Variants in WWC1 observed in about 807,000 individuals in gnomAD.
WWC1 encodes the protein protein KIBRA.
WWC1 carries 55 observed loss-of-function variants against 138.4 expected under a neutral mutation model. The observed-to-expected ratio is 0.40, with a 90% CI of 0.32 to 0.50. The LOEUF (loss-of-function observed/expected upper bound fraction) is 0.50. Among genes scored for constraint, WWC1 ranks in the 20% least tolerant of loss-of-function variants. The pLI is 0.72. For missense variants in WWC1, 1,226 were observed against 1,420.4 expected (o/e 0.86, Z 2.20); for synonymous variants, 524 against 564.9 (o/e 0.93, Z 1.03).
In WWC1 at chr5:168,397,818, A is replaced by G. The variant is rs781290935; in HGVS notation, c.510+18A>G. 4 of 1,613,848 alleles carry G rather than the reference A, an allele frequency of 2.5e-6. No individual in the cohort carries two copies. Among genetic ancestry groups the G allele is most frequent in the Non-Finnish European group, 8.5e-7 (1 of 1,179,832 alleles). ...AATCCCGGGTAGGACCTCTTCACCT[A>G]TGCTATGTGCTAGTGATTGGGGCCA... On this transcript the variant is annotated intron_variant, in intron 4 of 22. Coordinates refer to ENST00000265293, the MANE Select transcript of WWC1 (RefSeq NM_015238.3).
At chr5:168,322,319 T>C (rs992284883) in intron 1 of WWC1, among the ~76,000 whole-genome samples, 2 of 150,722 alleles carry the variant, frequency 1.3e-5, no homozygotes, top group African/African-American at 4.9e-5. Context: ...TAGAGAAGGG[T>C]TGGAAACCCT....
rs1582170218 is a variant in WWC1 at position 168,403,060 on chromosome 5, T to TTCTTTCTTTCTTTCTC, written c.591-3123_591-3122insCTCTTTCTTTCTTTCT. The stretch of plus-strand genomic sequence containing the variant: ...TTTCTTTCTTTCTTTCTTTCTTTCT[T>TTCTTTCTTTCTTTCTC]TCTTTCTTTCTTTCTTTCTTTTCTT... On this transcript the variant is annotated intron_variant, in intron 5 of 22. Transcript: ENST00000265293. Among the ~76,000 whole-genome samples, 46 of 124,038 alleles carry TTCTTTCTTTCTTTCTC rather than the reference T, an allele frequency of 3.7e-4. 1 individual carries two copies. In the East Asian group the frequency reaches 4.7e-3, roughly 13 times the overall value. 81.4% of individuals were successfully genotyped at this position (124,038 alleles called of 152,430 possible).
chr5:168,299,603 T>C (rs1338518675), intron 1 of WWC1, among the ~76,000 whole-genome samples: 1 of 152,154 alleles, frequency 6.6e-6, no homozygotes, highest in African/African-American at 2.4e-5. Context: ...GGAGAGGGCT[T>C]ATCCAAACTG....
At chr5:168,450,903 C>T (rs1285466850) in intron 17 of WWC1, among the ~76,000 whole-genome samples, 2 of 152,160 alleles carry the variant, frequency 1.3e-5, no homozygotes, top group African/African-American at 4.8e-5. Context: ...AGGCAAGCCA[C>T]AGACTTAGAG....
intron 1 of WWC1, among the ~76,000 whole-genome samples, chr5:168,296,563 TG>T (rs1199561594): frequency 6.6e-6 from 1 of 152,192 alleles, no homozygotes; most frequent in African/African-American, 2.4e-5. Flanking sequence ...TAGATAAGCT[TG>T]GAAATTGCTT....
At position 168,470,375 on chromosome 5, in the gene WWC1, A is replaced by C. The variant is rs2152900201; in HGVS notation, c.*1358A>C. On this transcript the variant is annotated 3_prime_UTR_variant, in exon 23 of 23. Coordinates refer to ENST00000265293, the MANE Select transcript of WWC1 (RefSeq NM_015238.3). The stretch of plus-strand genomic sequence containing the variant: ...CACGGTGAAACCCTGTCTCTACTAA[A>C]AATACAAAAAATTAGCCGGCCGTGG... 6.6e-6 allele frequency: 1 copy of C among 152,256 alleles called. No homozygotes were observed. Among genetic ancestry groups the C allele is most frequent in the East Asian group, 1.9e-4 (1 of 5,176 alleles). 9.4% of individuals were successfully genotyped at this position (152,256 alleles called of 1,614,324 possible).
At chr5:168,374,234 G>A (rs1419812234) in intron 2 of WWC1, among the ~76,000 whole-genome samples, 1 of 152,090 alleles carries the variant, frequency 6.6e-6, no homozygotes, top group African/African-American at 2.4e-5. Context: ...CATTTTGGCA[G>A]GAGAGACAAA....
intron 8 of WWC1, among the ~76,000 whole-genome samples, chr5:168,411,128 C>T (rs762519128): frequency 3.9e-4 from 60 of 151,948 alleles, no homozygotes; most frequent in African/African-American, 1.4e-3. Flanking sequence ...GGGGTTTCAC[C>T]GTGTTAGCCA....
At chr5:168,322,057 A>C (rs1042625522) in intron 1 of WWC1, among the ~76,000 whole-genome samples, 4 of 152,198 alleles carry the variant, frequency 2.6e-5, no homozygotes, top group Admixed American at 2.0e-4. Flanking sequence ...CTTCATAATA[A>C]TACTAAGAAA....
chr5:168,414,289 T>C (rs1780428123), intron 8 of WWC1, 59 bp from the exon 9 acceptor site: 1 of 1,579,722 alleles, frequency 6.3e-7, no homozygotes, highest in Non-Finnish European at 8.6e-7. Flanking sequence ...CTTCATGGCA[T>C]CTCCTGTTCC....
chr5:168,404,665 T>C (rs1267046279), intron 5 of WWC1, among the ~76,000 whole-genome samples: 1 of 152,204 alleles, frequency 6.6e-6, no homozygotes, highest in African/African-American at 2.4e-5. Context: ...GTGAGTAGTT[T>C]CTCATCCTGA....
At chr5:168,319,025 A>G (rs1175641176) in intron 1 of WWC1, among the ~76,000 whole-genome samples, 1 of 152,238 alleles carries the variant, frequency 6.6e-6, no homozygotes, top group Admixed American at 6.5e-5. Context: ...ACATACACAC[A>G]TATACACGAC....
intron 1 of WWC1, among the ~76,000 whole-genome samples, chr5:168,358,158 A>G (rs1034153257): frequency 1.3e-5 from 2 of 152,194 alleles, no homozygotes; most frequent in African/African-American, 4.8e-5. Context: ...TGGGTGGGTG[A>G]CCTGGGGAAA....
intron 20 of WWC1, among the ~76,000 whole-genome samples, chr5:168,462,904 C>G (rs1469365165): frequency 2.0e-5 from 3 of 152,228 alleles, no homozygotes. Flanking sequence ...CCACGTAGAT[C>G]ACTCAGCTGG....
intron 1 of WWC1, among the ~76,000 whole-genome samples, chr5:168,363,247 G>T (rs1426176215): frequency 6.6e-6 from 1 of 152,148 alleles, no homozygotes; most frequent in Non-Finnish European, 1.5e-5. Context: ...GAGGAAGCCA[G>T]GTGTGGTGGC....
intron 17 of WWC1, among the ~76,000 whole-genome samples, chr5:168,449,570 C>CTT (rs10636051): frequency 0.32 from 28,624 of 90,568 alleles, 4,181 homozygotes; most frequent in Non-Finnish European, 0.4. Flanking sequence ...TTTAACAGCT[C>CTT]TTTTTTTTTT....
chr5:168,347,588 C>T (rs1175313669), intron 1 of WWC1, among the ~76,000 whole-genome samples: 1 of 152,210 alleles, frequency 6.6e-6, no homozygotes, highest in Non-Finnish European at 1.5e-5. Context: ...ATTCTGTCAG[C>T]TCGTGGCCTC....
chr5:168,312,233 A>T (rs1349530708), intron 1 of WWC1, among the ~76,000 whole-genome samples: 1 of 151,910 alleles, frequency 6.6e-6, no homozygotes, highest in Non-Finnish European at 1.5e-5. Context: ...AAAAAAAGGA[A>T]CAATAACCAA....
intron 1 of WWC1, among the ~76,000 whole-genome samples, chr5:168,345,311 G>T (rs982451502): frequency 2.6e-5 from 4 of 152,098 alleles, no homozygotes; most frequent in Non-Finnish European, 4.4e-5. Context: ...TGCCATATTG[G>T]CCAGGCTGGT....
Sources: allele counts gnomAD v4.1 joint callset (sites outside exome capture counted in the v4.1 genomes callset), GRCh38; gene constraint gnomAD v4.1.1; transcripts MANE v1.5; gene names NCBI Gene and HGNC (gene_info 2026-07-23, HGNC 2026-07-21).